ZFAT: variants seen among roughly 807,000 people sequenced by gnomAD.
ZFAT encodes the protein zinc finger protein ZFAT.
ZFAT carries 64 observed loss-of-function variants against 117.7 expected under a neutral mutation model. The ratio of observed to expected loss-of-function variants is 0.54; its 90% confidence interval spans 0.44 to 0.67. ZFAT has a LOEUF of 0.67. Among genes scored for constraint, ZFAT ranks in the 30% least tolerant of loss-of-function variants. ZFAT has a pLI of 0.00. For missense variants in ZFAT, 1,433 were observed against 1,584.5 expected (o/e 0.90, Z 1.62); for synonymous variants, 679 against 615.0 (o/e 1.10, Z -1.54).
At chr8:134,700,581 G>A (rs539072194) in intron 1 of ZFAT, among the ~76,000 whole-genome samples, 3 of 152,316 alleles carry the variant, frequency 2.0e-5, no homozygotes, top group Admixed American at 6.5e-5. Context: ...GAATGCACAC[G>A]GACCTGGAAG....
intron 10 of ZFAT, among the ~76,000 whole-genome samples, chr8:134,571,833 C>T (rs1054507030): frequency 1.3e-5 from 2 of 152,120 alleles, no homozygotes; most frequent in African/African-American, 4.8e-5. Context: ...TTTTTAGTAA[C>T]ACAGTGTTAA....
chr8:134,504,149 C>T (rs16905154), intron 15 of ZFAT, among the ~76,000 whole-genome samples: 23,340 of 151,974 alleles, frequency 0.15, 2,846 homozygotes, highest in African/African-American at 0.33. Context: ...CCTGGCCATT[C>T]GTATGTGCAC....
chr8:134,663,631 G>C (rs981132776), intron 1 of ZFAT, among the ~76,000 whole-genome samples: 2 of 152,066 alleles, frequency 1.3e-5, no homozygotes, highest in Non-Finnish European at 2.9e-5. Flanking sequence ...CCAGCTACTC[G>C]AGAGGCTGAG....
chr8:134,547,936 AGGCC>A (rs1822824080), intron 11 of ZFAT, among the ~76,000 whole-genome samples: 2 of 152,214 alleles, frequency 1.3e-5, no homozygotes, highest in Non-Finnish European at 2.9e-5. Flanking sequence ...TAACCTAAAG[AGGCC>A]TCTGGCAACT....
chr8:134,761,820 T>C, the ZFAT span, among the ~76,000 whole-genome samples: 1 of 152,222 alleles, frequency 6.6e-6, no homozygotes, highest in African/African-American at 2.4e-5. Context: ...TATGCACTTA[T>C]TTTTCTCATT....
the ZFAT span, among the ~76,000 whole-genome samples, chr8:134,737,297 A>G: frequency 8.3e-6 from 1 of 120,758 alleles, no homozygotes; most frequent in Admixed American, 7.7e-5. Flanking sequence ...AATGAAAATA[A>G]AAATAAAAAT....
Position 134,624,186 on chromosome 8 carries a change from A to G in ZFAT, c.448+13275T>C, listed in dbSNP as rs748291204. Among the ~76,000 whole-genome samples, 806 of 117,484 alleles carry G rather than the reference A, an allele frequency of 6.9e-3. 1 individual carries two copies. The highest frequency in any genetic ancestry group is 9.4e-3 in the Non-Finnish European group (475 of 50,540). 77.1% of individuals were successfully genotyped at this position (117,484 alleles called of 152,430 possible). On this transcript the variant is annotated intron_variant, in intron 3 of 15. Transcript: ENST00000377838. ...TGCAGGCACATGTGCACATGCACACACACACACACACACACACACACACAC... is the reference window on the plus strand; with the variant it reads ...TGCAGGCACATGTGCACATGCACACGCACACACACACACACACACACACAC...
At chr8:134,759,248 G>A in the ZFAT span, among the ~76,000 whole-genome samples, 1 of 152,130 alleles carries the variant, frequency 6.6e-6, no homozygotes, top group East Asian at 1.9e-4. Flanking sequence ...GAGGTAAGTC[G>A]AATTTTCATT....
At chr8:134,522,918 G>A (rs1820765160) in intron 12 of ZFAT, among the ~76,000 whole-genome samples, 1 of 152,142 alleles carries the variant, frequency 6.6e-6, no homozygotes, top group East Asian at 1.9e-4. Flanking sequence ...TATCAGGTAA[G>A]AACTTTCCAG....
intron 9 of ZFAT, among the ~76,000 whole-genome samples, chr8:134,586,841 C>CATTGG (rs1296132842): frequency 9.8e-5 from 15 of 152,298 alleles, no homozygotes; most frequent in African/African-American, 3.6e-4. Flanking sequence ...GGTTCAAATC[C>CATTGG]CAGTTCCACC....
intron 1 of ZFAT, among the ~76,000 whole-genome samples, chr8:134,709,462 T>C (rs2131370166): frequency 6.6e-6 from 1 of 152,334 alleles, no homozygotes; most frequent in African/African-American, 2.4e-5. Flanking sequence ...GCACGTGCTC[T>C]TTCTACCCTC....
chr8:134,632,690 C>T (rs1261429394), intron 3 of ZFAT, among the ~76,000 whole-genome samples: 5 of 151,874 alleles, frequency 3.3e-5, no homozygotes, highest in Admixed American at 3.3e-4. Flanking sequence ...GGTGACAATA[C>T]AGAAATTTAA....
At chr8:134,521,415 G>A (rs1004775174) in intron 12 of ZFAT, among the ~76,000 whole-genome samples, 4 of 152,100 alleles carry the variant, frequency 2.6e-5, no homozygotes, top group Admixed American at 1.3e-4. Context: ...AATCTCCTTT[G>A]TCCCAAAACA....
the ZFAT span, among the ~76,000 whole-genome samples, chr8:134,761,064 T>G: frequency 6.6e-6 from 1 of 152,248 alleles, no homozygotes; most frequent in Non-Finnish European, 1.5e-5. Flanking sequence ...CTATAGCAGA[T>G]GTCAACAATG....
At chr8:134,757,528 G>A in the ZFAT span, among the ~76,000 whole-genome samples, 3 of 152,084 alleles carry the variant, frequency 2.0e-5, no homozygotes, top group South Asian at 2.1e-4. Flanking sequence ...TGGTGGGTGG[G>A]GTATTGGCAA....
intron 1 of ZFAT, among the ~76,000 whole-genome samples, chr8:134,712,620 T>C (rs62525608): frequency 0.41 from 48,337 of 119,010 alleles, 8,622 homozygotes; most frequent in South Asian, 0.5. Context: ...CGCTCCCGCC[T>C]TGCTTTTTTT....
chr8:134,708,822 C>T (rs1216491548), intron 1 of ZFAT, among the ~76,000 whole-genome samples: 1 of 152,070 alleles, frequency 6.6e-6, no homozygotes, highest in Non-Finnish European at 1.5e-5. Flanking sequence ...CGTGGTGGCG[C>T]ATGCTTATAA....
intron 3 of ZFAT, among the ~76,000 whole-genome samples, chr8:134,613,442 G>A (rs547525244): frequency 3.9e-5 from 6 of 152,340 alleles, no homozygotes; most frequent in South Asian, 4.1e-4. Context: ...AAGGTCTGGC[G>A]CCATGCCGTT....
At chr8:134,586,516 T>C (rs534440144) in intron 9 of ZFAT, among the ~76,000 whole-genome samples, 6 of 152,338 alleles carry the variant, frequency 3.9e-5, no homozygotes, top group Non-Finnish European at 8.8e-5. Flanking sequence ...TGAGTACAAT[T>C]ACAGTTTGAT....
Sources: allele counts gnomAD v4.1 joint callset (sites outside exome capture counted in the v4.1 genomes callset), GRCh38; gene constraint gnomAD v4.1.1; transcripts MANE v1.5; gene names NCBI Gene and HGNC (gene_info 2026-07-23, HGNC 2026-07-21).